The following PRMT7 variants were observed in gnomAD, a reference collection of about 807,000 sequenced individuals.
The protein encoded by PRMT7 is protein arginine N-methyltransferase 7.
Under a neutral mutation model 85.4 loss-of-function variants are expected in PRMT7, and 75 were observed. That is an observed-to-expected ratio of 0.88 (90% CI 0.73 to 1.06). PRMT7 has a LOEUF of 1.06. Ranked by LOEUF, PRMT7 falls within the 50% of genes least tolerant of loss-of-function variation. PRMT7 has a pLI of 0.00. For missense variants in PRMT7, 868 were observed against 915.2 expected (o/e 0.95, Z 0.67); for synonymous variants, 397 against 359.5 (o/e 1.10, Z -1.18).
rs1410999657 is a variant in PRMT7 at position 68,339,580 on chromosome 16, A to G, written c.746+17A>G. 2 of 1,611,080 alleles carry G rather than the reference A, an allele frequency of 1.2e-6. No individual in the cohort carries two copies. The highest frequency in any genetic ancestry group is 1.3e-5 in the African/African-American group (1 of 74,912). ...CATGTTCAGGTACCAAGGAGCCACC[A>G]TAGGTGATGGCGCTTTGAGACATTT... On this transcript the variant is annotated intron_variant, in intron 8 of 18. Transcript: ENST00000441236.
At chr16:68,335,038 C>G (rs1356458419) in intron 6 of PRMT7, among the ~76,000 whole-genome samples, 1 of 152,192 alleles carries the variant, frequency 6.6e-6, no homozygotes, top group Non-Finnish European at 1.5e-5. Context: ...CTCAAGTGAT[C>G]AGCCCAGCTT....
chr16:68,329,974 T>TCCTCCA (rs1467625262), intron 6 of PRMT7, among the ~76,000 whole-genome samples: 2 of 151,818 alleles, frequency 1.3e-5, no homozygotes, highest in African/African-American at 4.8e-5. Context: ...GCTCACTGCA[T>TCCTCCA]CCTCCACCTC....
chr16:68,358,705 C>G (rs2089005301), downstream of PRMT7: 1 of 152,556 alleles, frequency 6.6e-6, no homozygotes, highest in Non-Finnish European at 1.5e-5. Context: ...GGCCCCCGCG[C>G]CTTGTGGCTT....
chr16:68,319,382 T>TCCCAGATACTGATGACTGACA (rs2082225059), intron 3 of PRMT7, among the ~76,000 whole-genome samples: 1 of 151,726 alleles, frequency 6.6e-6, no homozygotes, highest in South Asian at 2.1e-4. Context: ...CACTGGGAAG[T>TCCCAGATACTGATGACTGACA]CCCAGATACT....
chr16:68,322,344 C>A, intron 4 of PRMT7: 1 of 438,304 alleles, frequency 2.3e-6, no homozygotes, highest in South Asian at 1.6e-5. Context: ...GGACTACAGG[C>A]ATGCCACCAT....
intron 6 of PRMT7, among the ~76,000 whole-genome samples, chr16:68,332,832 G>A (rs1392484799): frequency 6.6e-6 from 1 of 152,116 alleles, no homozygotes; most frequent in Admixed American, 6.5e-5. Context: ...GCAGGGTAAG[G>A]GTTACTTGGT....
In PRMT7 at chr16:68,311,038, C is replaced by T. The variant is rs1333433842; in HGVS notation, c.-280C>T. The T allele has an allele frequency of 2.0e-6, 2 of 1,008,384 alleles. No homozygotes were observed. The highest frequency in any genetic ancestry group is 1.5e-6 in the Non-Finnish European group (1 of 666,284). The allele number at this position is 1,008,384 out of a possible 1,614,324, so 62.5% of individuals were successfully genotyped here. On this transcript the variant is annotated 5_prime_UTR_variant, in exon 1 of 19. Transcript: ENST00000441236. ...CTCCTCGACGCTGCGAGGTCCCGCCCCGCGTGCTGGCCGCGGTAAAAGTGG... is the reference window on the plus strand; with the variant it reads ...CTCCTCGACGCTGCGAGGTCCCGCCTCGCGTGCTGGCCGCGGTAAAAGTGG...
chr16:68,341,637 G>A (rs1597375019), intron 9 of PRMT7, among the ~76,000 whole-genome samples: 2 of 152,186 alleles, frequency 1.3e-5, no homozygotes, highest in African/African-American at 2.4e-5. Flanking sequence ...TCAAATTCCC[G>A]ACCTCAGGTG....
intron 4 of PRMT7, chr16:68,324,278 T>A (rs1190016386): frequency 1.1e-5 from 2 of 180,980 alleles, no homozygotes; most frequent in Non-Finnish European, 2.3e-5. Flanking sequence ...TTGGGAAAAG[T>A]TGGAGTCTGC....
Position 68,356,797 on chromosome 16 carries a change from G to C in PRMT7, c.1908G>C (p.Glu636Asp). Residue 636 changes from glutamate (E) to aspartate (D), a missense_variant and splice_region_variant, in exon 18 of 19, where the codon GAG (glutamate) becomes GAC (aspartate). Glu to Asp is a conservative substitution (Grantham distance 45). Coordinates refer to ENST00000441236, the MANE Select transcript of PRMT7 (RefSeq NM_019023.5). ...STGLLEPADP[E>D]GGCCWNPHCK... ...GCCTCCTGGAGCCTGCAGACCCCGA[G>C]GTAGTGCCTGCGCACCGGGCCCAGT... is the stretch of plus-strand genomic sequence containing the variant. The C allele has an allele frequency of 6.2e-7, 1 of 1,605,014 alleles. No homozygotes were observed. The highest frequency in any genetic ancestry group is 8.5e-7 in the Non-Finnish European group (1 of 1,177,130).
Position 68,339,429 on chromosome 16 carries a change from C to T in PRMT7, c.612C>T (p.Ser204=). ...TATTTCCCATCCACGTGCAGACCAGCCTCGGAGAGCAGGTCATCGTCCCTC... is the reference window on the plus strand; with the variant it reads ...TATTTCCCATCCACGTGCAGACCAGTCTCGGAGAGCAGGTCATCGTCCCTC... ...NKLFPIHVQT[S]LGEQVIVPPV... is the part of the protein sequence containing the mutation. Residue 204 remains serine (S), a synonymous_variant, in exon 8 of 19, where the codon AGC becomes AGT. Transcript: ENST00000441236. 6.2e-7 allele frequency: 1 copy of T among 1,614,192 alleles called. No individual in the cohort carries two copies. Among genetic ancestry groups the T allele is most frequent in the East Asian group, 2.2e-5 (1 of 44,878 alleles).
intron 13 of PRMT7, among the ~76,000 whole-genome samples, chr16:68,347,888 G>A (rs187072991): frequency 3.3e-5 from 5 of 152,272 alleles, no homozygotes; most frequent in Admixed American, 3.3e-4. Context: ...TTGTTTTTTT[G>A]TGTCTGAAGA....
At chr16:68,323,363 C>T (rs1356202584) in intron 4 of PRMT7, among the ~76,000 whole-genome samples, 1 of 151,918 alleles carries the variant, frequency 6.6e-6, no homozygotes, top group African/African-American at 2.4e-5. Context: ...GGGTTACAGG[C>T]ATGCGCCACC....
intron 9 of PRMT7, among the ~76,000 whole-genome samples, chr16:68,341,473 G>T (rs571743284): frequency 1.3e-5 from 2 of 152,170 alleles, no homozygotes; most frequent in East Asian, 1.9e-4. Flanking sequence ...GCAATGGCGC[G>T]ATCTCAGCTC....
rs2044636788 is a variant in PRMT7 at position 68,315,640 on chromosome 16, C to G, written c.-83-257C>G. ...GAAGCACCGAAGCCTGCTGAAGTTT[C>G]CAGACATCTGTATGAATCTGTTGTA... On this transcript the variant is annotated intron_variant, in intron 2 of 18. Transcript: ENST00000441236. The G allele has an allele frequency of 5.5e-5, 17 of 308,730 alleles. 1 individual carries two copies. The highest frequency in any genetic ancestry group is 4.8e-4 in the South Asian group (17 of 35,632). The allele number at this position is 308,730 out of a possible 1,614,324, so 19.1% of individuals were successfully genotyped here. A position where few individuals can be genotyped will look rare whatever the true frequency, so the allele number is the denominator to read the frequency against.
intron 10 of PRMT7, 121 bp downstream of exon 10, chr16:68,345,923 A>G: frequency 6.8e-7 from 1 of 1,460,992 alleles, no homozygotes; most frequent in East Asian, 2.3e-5. Flanking sequence ...TAACATAAGA[A>G]CAAAGATTTG....
At chr16:68,337,343 A>G (rs895283594) in intron 6 of PRMT7, 116 bp from the exon 7 acceptor site, 6 of 644,836 alleles carry the variant, frequency 9.3e-6, no homozygotes, top group African/African-American at 1.8e-5. Context: ...ATACCTCAGC[A>G]TGTATATGTG....
intron 16 of PRMT7, 28 bp from the exon 17 acceptor site, chr16:68,355,695 C>G (rs369370261): frequency 2.0e-6 from 3 of 1,508,512 alleles, no homozygotes; most frequent in Middle Eastern, 1.8e-4. Context: ...CCTGTCTCTG[C>G]AGCCCCCAGG....
At chr16:68,336,348 TACTGTCCTAAAACA>T (rs1334614453) in intron 6 of PRMT7, among the ~76,000 whole-genome samples, 2 of 152,206 alleles carry the variant, frequency 1.3e-5, no homozygotes, top group African/African-American at 2.4e-5. Context: ...TCTAAAATCC[TACTGTCCTAAAACA>T]ACTGTTATTT....
Sources: allele counts gnomAD v4.1 joint callset (sites outside exome capture counted in the v4.1 genomes callset), GRCh38; gene constraint gnomAD v4.1.1; transcripts MANE v1.5; gene names NCBI Gene and HGNC (gene_info 2026-07-23, HGNC 2026-07-21).